Variants in FRMD3 observed in about 807,000 individuals in gnomAD.
FRMD3 encodes FERM domain-containing protein 3.
A neutral mutation model predicts 70.2 loss-of-function variants in FRMD3; 33 were observed. That is an observed-to-expected ratio of 0.47 (90% CI 0.36 to 0.63). The LOEUF is 0.63. Ranked by LOEUF, FRMD3 falls within the 20% of genes least tolerant of loss-of-function variation. The pLI is 0.00. For synonymous variants in FRMD3, 279 were observed against 255.9 expected (o/e 1.09, Z -0.86); for missense variants, 632 against 711.4 (o/e 0.89, Z 1.27).
intron 1 of FRMD3, among the ~76,000 whole-genome samples, chr9:83,487,945 G>A (rs780241741): frequency 1.3e-5 from 2 of 152,086 alleles, no homozygotes; most frequent in Non-Finnish European, 2.9e-5. Flanking sequence ...TGTTAAGCCT[G>A]GCTCAAAATA....
chr9:83,344,957 G>A (rs975028524), intron 4 of FRMD3, among the ~76,000 whole-genome samples: 4 of 144,670 alleles, frequency 2.8e-5, no homozygotes, highest in African/African-American at 9.8e-5. Context: ...AGCGACATGT[G>A]TAATCCCCAT....
intron 2 of FRMD3, among the ~76,000 whole-genome samples, chr9:83,378,819 TTTTATATAA>T (rs1825264106): frequency 1.6e-5 from 2 of 123,238 alleles, no homozygotes; most frequent in Admixed American, 9.1e-5. Context: ...TATATATAAA[TTTTATATAA>T]ATATATATAC....
chr9:83,489,898 G>A (rs907356401), intron 1 of FRMD3, among the ~76,000 whole-genome samples: 10 of 152,280 alleles, frequency 6.6e-5, no homozygotes, highest in African/African-American at 2.4e-4. Flanking sequence ...CTTTTGTTCA[G>A]CCTCGAAGGT....
chr9:83,303,141 C>A (rs1834989707), intron 10 of FRMD3, among the ~76,000 whole-genome samples: 1 of 152,188 alleles, frequency 6.6e-6, no homozygotes, highest in Non-Finnish European at 1.5e-5. Context: ...AACACTATTT[C>A]CCATTGAAGT....
chr9:83,505,865 G>A (rs891535367), intron 1 of FRMD3, among the ~76,000 whole-genome samples: 21 of 152,252 alleles, frequency 1.4e-4, no homozygotes, highest in Admixed American at 5.2e-4. Context: ...CCGTGATCCC[G>A]GAGATCATGG....
chr9:83,368,555 T>C (rs1196759671), intron 3 of FRMD3, among the ~76,000 whole-genome samples: 1 of 152,212 alleles, frequency 6.6e-6, no homozygotes, highest in Non-Finnish European at 1.5e-5. Context: ...AAGAAACATC[T>C]TAATGTAAAA....
At chr9:83,583,621 A>T in the FRMD3 span, among the ~76,000 whole-genome samples, 1 of 152,056 alleles carries the variant, frequency 6.6e-6, no homozygotes, top group South Asian at 2.1e-4. Context: ...TGAAAAAAAA[A>T]TTTTTGAGAC....
chr9:83,304,614 T>A lies in FRMD3; in HGVS notation c.926+4922A>T, dbSNP rs146250550. 2.3e-3 allele frequency among the ~76,000 whole-genome samples: 345 copies of A among 152,350 alleles called. 2 individuals are homozygous for A. Among genetic ancestry groups the A allele is most frequent in the African/African-American group, 8.0e-3 (332 of 41,584 alleles). The stretch of plus-strand genomic sequence containing the variant: ...AGAAATGTATTAGGAACTGCTTTTA[T>A]CCCTTGCACACAATTCCAAAACAAA... On this transcript the variant is annotated intron_variant, in intron 10 of 13. Coordinates refer to ENST00000304195, the MANE Select transcript of FRMD3 (RefSeq NM_174938.6).
intron 1 of FRMD3, among the ~76,000 whole-genome samples, chr9:83,476,383 C>CT (rs1828399001): frequency 8.8e-6 from 1 of 114,056 alleles, no homozygotes; most frequent in Admixed American, 8.7e-5. Context: ...GACTCTCTCT[C>CT]AAAAAAAAAA....
the FRMD3 span, among the ~76,000 whole-genome samples, chr9:83,549,134 C>T: frequency 6.6e-6 from 1 of 152,020 alleles, no homozygotes; most frequent in Non-Finnish European, 1.5e-5. Context: ...ACCCCAGTGT[C>T]TTTTGTTTCC....
intron 1 of FRMD3, among the ~76,000 whole-genome samples, chr9:83,468,912 C>A (rs1443312090): frequency 6.6e-6 from 1 of 152,150 alleles, no homozygotes; most frequent in South Asian, 2.1e-4. Flanking sequence ...ATATAATGGC[C>A]GTGGCTTTGA....
chr9:83,515,382 T>C (rs1564112729), intron 1 of FRMD3, among the ~76,000 whole-genome samples: 5 of 151,994 alleles, frequency 3.3e-5, no homozygotes, highest in Non-Finnish European at 7.4e-5. Context: ...AGATTGAAGA[T>C]CAATTTAATG....
the FRMD3 span, among the ~76,000 whole-genome samples, chr9:83,559,068 T>C: frequency 6.6e-6 from 1 of 152,190 alleles, no homozygotes; most frequent in African/African-American, 2.4e-5. Context: ...AAATTTAGAA[T>C]GTTATATAAA....
the FRMD3 span, among the ~76,000 whole-genome samples, chr9:83,565,306 C>T: frequency 6.6e-5 from 10 of 152,096 alleles, no homozygotes; most frequent in Admixed American, 1.3e-4. Context: ...ATCTCAAGCA[C>T]GTAAGACTTA....
At chr9:83,544,438 G>A in the FRMD3 span, among the ~76,000 whole-genome samples, 4 of 152,138 alleles carry the variant, frequency 2.6e-5, no homozygotes, top group Non-Finnish European at 5.9e-5. Flanking sequence ...CCCCAACCCA[G>A]GGCTGAGCAG....
chr9:83,347,535 G>C (rs540350614), intron 4 of FRMD3, among the ~76,000 whole-genome samples: 2 of 152,130 alleles, frequency 1.3e-5, no homozygotes, highest in East Asian at 3.9e-4. Context: ...GAAATCTAAA[G>C]GATTGTAAGA....
the FRMD3 span, among the ~76,000 whole-genome samples, chr9:83,582,823 T>C: frequency 2.6e-5 from 4 of 152,210 alleles, no homozygotes; most frequent in Non-Finnish European, 4.4e-5. Context: ...TGAAGTACCA[T>C]TTTTGGCCTA....
chr9:83,400,398 A>T (rs117576450), intron 1 of FRMD3, among the ~76,000 whole-genome samples: 103 of 152,330 alleles, frequency 6.8e-4, no homozygotes, highest in Non-Finnish European at 1.3e-3. Flanking sequence ...GAAATAAAAG[A>T]TCTAAATAAA....
At chr9:83,429,261 C>T (rs1826901327) in intron 1 of FRMD3, among the ~76,000 whole-genome samples, 1 of 152,162 alleles carries the variant, frequency 6.6e-6, no homozygotes, top group African/African-American at 2.4e-5. Flanking sequence ...CTCACCACTG[C>T]TTGGGGCTCA....
Sources: allele counts gnomAD v4.1 joint callset (sites outside exome capture counted in the v4.1 genomes callset), GRCh38; gene constraint gnomAD v4.1.1; transcripts MANE v1.5; gene names NCBI Gene and HGNC (gene_info 2026-07-23, HGNC 2026-07-21).